SLC6A2: variants seen among roughly 807,000 people sequenced by gnomAD.
SLC6A2 encodes the protein sodium-dependent noradrenaline transporter.
In SLC6A2, 26 loss-of-function variants were observed where a neutral mutation model predicts 71.7. The ratio of observed to expected loss-of-function variants is 0.36; its 90% CI spans 0.27 to 0.50. SLC6A2 has a LOEUF of 0.50. Ranked by LOEUF, SLC6A2 falls within the 20% of genes least tolerant of loss-of-function variation. SLC6A2 has a pLI of 0.96. For synonymous variants in SLC6A2, 363 were observed against 337.9 expected (o/e 1.07, Z -0.82); for missense variants, 581 against 803.9 (o/e 0.72, Z 3.35).
chr16:55,691,502 T>C (rs1965628423), intron 5 of SLC6A2, among the ~76,000 whole-genome samples: 1 of 152,166 alleles, frequency 6.6e-6, no homozygotes, highest in African/African-American at 2.4e-5. Flanking sequence ...CCTCACCACC[T>C]CTCTAGGCTC....
intron 4 of SLC6A2, among the ~76,000 whole-genome samples, chr16:55,679,471 C>T (rs776902062): frequency 6.6e-6 from 1 of 152,208 alleles, no homozygotes; most frequent in Non-Finnish European, 1.5e-5. Context: ...AAGTGATCCA[C>T]CCGCCTTGGC....
chr16:55,667,015 T>A (rs980357013), intron 2 of SLC6A2, among the ~76,000 whole-genome samples: 15 of 10,944 alleles, frequency 1.4e-3, no homozygotes, highest in Non-Finnish European at 2.6e-3. Flanking sequence ...CTCTCTAAAT[T>A]TTTTTTTTTT....
chr16:55,675,118 A>T (rs572934250), intron 4 of SLC6A2, among the ~76,000 whole-genome samples: 22 of 152,150 alleles, frequency 1.4e-4, no homozygotes, highest in African/African-American at 5.1e-4. Flanking sequence ...CCTCTACTTC[A>T]TCCATTTATG....
In SLC6A2 at chr16:55,702,512, T is replaced by C; in HGVS notation, c.*166T>C. 1 of 1,526,030 alleles carries C rather than the reference T, an allele frequency of 6.6e-7. No individual in the cohort carries two copies. The allele number at this position is 1,526,030 out of a possible 1,614,324, so 94.5% of individuals were successfully genotyped here. On this transcript the variant is annotated 3_prime_UTR_variant, in exon 15 of 15. Coordinates refer to ENST00000568943, the MANE Select transcript of SLC6A2 (RefSeq NM_001172501.3). ...AATGATTTCGTGACTGTAGTTTTTG[T>C]TCACCTTCTGTGCATCTGGCCTGGG...
At chr16:55,694,757 T>A (rs1436117111) in intron 7 of SLC6A2, among the ~76,000 whole-genome samples, 2 of 152,068 alleles carry the variant, frequency 1.3e-5, no homozygotes, top group African/African-American at 4.8e-5. Flanking sequence ...AGCCAGTGCA[T>A]GGAGGTGAAT....
chr16:55,677,748 C>T (rs1298689949), intron 4 of SLC6A2, among the ~76,000 whole-genome samples: 1 of 152,138 alleles, frequency 6.6e-6, no homozygotes, highest in Admixed American at 6.5e-5. Context: ...CAGCCTTGAC[C>T]TCCCAGGCTC....
Sources: gnomAD v4.1 joint callset for allele counts (sites outside exome capture counted in the v4.1 genomes callset) on GRCh38, gnomAD v4.1.1 for gene constraint, MANE v1.5 for transcripts, NCBI Gene and HGNC (gene_info 2026-07-23, HGNC 2026-07-21) for gene names.